INPP4B: variants seen among roughly 807,000 people sequenced by gnomAD.
INPP4B encodes inositol polyphosphate 4-phosphatase type II.
In INPP4B, 55 loss-of-function variants were observed where a neutral mutation model predicts 122.5. That is an observed-to-expected ratio of 0.45 (90% CI 0.36 to 0.56). INPP4B has a LOEUF of 0.56. Ranked by LOEUF, INPP4B falls within the 20% of genes least tolerant of loss-of-function variation. The pLI, the probability that INPP4B is intolerant of heterozygous loss-of-function variation, is 0.00. For synonymous variants in INPP4B, 403 were observed against 388.7 expected (o/e 1.04, Z -0.43); for missense variants, 1,000 against 1,097.7 (o/e 0.91, Z 1.26).
intron 25 of INPP4B, among the ~76,000 whole-genome samples, chr4:142,042,514 GTGT>G (rs1748400482): frequency 2.8e-5 from 1 of 35,456 alleles, no homozygotes. Flanking sequence ...ATTTATGTGT[GTGT>G]GTATGTATGT....
chr4:142,405,135 G>A, intron 6 of INPP4B, 71 bp downstream of exon 6: 2 of 855,434 alleles, frequency 2.3e-6, no homozygotes, highest in Admixed American at 1.9e-5. Context: ...GAGGGAGAGA[G>A]AGAGCAAGAG....
chr4:142,559,132 T>C (rs1729904188), intron 2 of INPP4B, among the ~76,000 whole-genome samples: 1 of 152,182 alleles, frequency 6.6e-6, no homozygotes, highest in Non-Finnish European at 1.5e-5. Context: ...AAAGGATTAA[T>C]GCACTCTCAG....
At chr4:142,806,741 T>TA (rs201656359) in intron 1 of INPP4B, among the ~76,000 whole-genome samples, 3,866 of 105,482 alleles carry the variant, frequency 0.037, 108 homozygotes, top group Middle Eastern at 0.067. Context: ...AAGACCCTGT[T>TA]AAAAAAAAAG....
intron 14 of INPP4B, among the ~76,000 whole-genome samples, chr4:142,193,656 G>C (rs1045577223): frequency 6.6e-6 from 1 of 152,072 alleles, no homozygotes; most frequent in Non-Finnish European, 1.5e-5. Flanking sequence ...ATTAGTACTA[G>C]TGCATTTTAA....
chr4:142,720,764 T>TATATATATATA (rs1560996422), intron 2 of INPP4B, among the ~76,000 whole-genome samples: 66 of 12,196 alleles, frequency 5.4e-3, no homozygotes, highest in Middle Eastern at 0.038. Context: ...ATATATAATC[T>TATATATATATA]CTCTCTCTCT....
At chr4:142,569,688 T>C (rs1364041629) in intron 2 of INPP4B, among the ~76,000 whole-genome samples, 1 of 152,132 alleles carries the variant, frequency 6.6e-6, no homozygotes, top group East Asian at 1.9e-4. Context: ...AGAAGATTCA[T>C]TGCAATGTAA....
chr4:142,573,112 A>G lies in INPP4B; in HGVS notation c.-190-110386T>C, dbSNP rs146795179. 3.3e-3 allele frequency among the ~76,000 whole-genome samples: 501 copies of G among 152,162 alleles called. 7 individuals are homozygous for G. The highest frequency in any genetic ancestry group is 0.018 in the East Asian group (93 of 5,148). On this transcript the variant is annotated intron_variant, in intron 2 of 25. Transcript: ENST00000262992. ...AGAGGGGTGAAGGGGAAGCAAGGAC[A>G]TCTTACCATGGTGGAGCAGGGGAGA... is the stretch of plus-strand genomic sequence containing the variant.
At chr4:142,740,696 T>A (rs1397207798) in intron 1 of INPP4B, among the ~76,000 whole-genome samples, 2 of 151,862 alleles carry the variant, frequency 1.3e-5, no homozygotes, top group Non-Finnish European at 2.9e-5. Context: ...TAAAAAAAAA[T>A]TGCACCTTAA....
intron 16 of INPP4B, among the ~76,000 whole-genome samples, chr4:142,164,341 A>G (rs192031564): frequency 3.3e-5 from 5 of 151,892 alleles, no homozygotes; most frequent in Non-Finnish European, 7.4e-5. Flanking sequence ...CGCTGAAAAA[A>G]CATTTAAGGC....
chr4:142,049,098 C>T (rs989526751), intron 25 of INPP4B, among the ~76,000 whole-genome samples: 12 of 151,692 alleles, frequency 7.9e-5, no homozygotes, highest in African/African-American at 2.9e-4. Context: ...GAAGTTTTGG[C>T]CAGCAAACCA....
chr4:142,129,894 A>G (rs1347320812), intron 18 of INPP4B, among the ~76,000 whole-genome samples: 2 of 152,176 alleles, frequency 1.3e-5, no homozygotes, highest in Non-Finnish European at 2.9e-5. Context: ...GGACAAAGAT[A>G]GTGTCTTCTA....
intron 23 of INPP4B, among the ~76,000 whole-genome samples, chr4:142,103,499 A>G (rs1785472834): frequency 6.6e-6 from 1 of 152,108 alleles, no homozygotes; most frequent in Non-Finnish European, 1.5e-5. Context: ...ATAACTATAC[A>G]ACGAGTGTCA....
At chr4:142,659,299 C>T (rs183713863) in intron 2 of INPP4B, among the ~76,000 whole-genome samples, 363 of 151,548 alleles carry the variant, frequency 2.4e-3, no homozygotes, top group African/African-American at 7.2e-3. Context: ...CCAGCTACCC[C>T]GGATGCTGAG....
intron 7 of INPP4B, among the ~76,000 whole-genome samples, chr4:142,354,669 T>A (rs1782993789): frequency 6.6e-6 from 1 of 152,006 alleles, no homozygotes; most frequent in Admixed American, 6.6e-5. Context: ...GTTAGAAAAC[T>A]GAAACTTAGC....
At chr4:142,132,613 G>T (rs1801886410) in intron 18 of INPP4B, among the ~76,000 whole-genome samples, 1 of 152,126 alleles carries the variant, frequency 6.6e-6, no homozygotes, top group East Asian at 1.9e-4. Context: ...TTCTGAGGAT[G>T]AACTGTTGTC....
At chr4:142,558,620 T>C (rs1729730035) in intron 2 of INPP4B, among the ~76,000 whole-genome samples, 1 of 150,184 alleles carries the variant, frequency 6.7e-6, no homozygotes, top group Non-Finnish European at 1.5e-5. Flanking sequence ...ACAAGATACA[T>C]TTATTTCTCC....
chr4:142,091,917 G>T (rs1175028193), intron 23 of INPP4B, among the ~76,000 whole-genome samples: 1 of 152,130 alleles, frequency 6.6e-6, no homozygotes, highest in Non-Finnish European at 1.5e-5. Context: ...TGCCTTCCCA[G>T]TCCCTAATCT....
intron 25 of INPP4B, among the ~76,000 whole-genome samples, chr4:142,034,782 C>T (rs1742808589): frequency 6.6e-6 from 1 of 152,162 alleles, no homozygotes; most frequent in Admixed American, 6.6e-5. Flanking sequence ...CATTCTTACC[C>T]TTGTTACTCA....
chr4:142,376,129 A>G (rs1434095094), intron 7 of INPP4B, among the ~76,000 whole-genome samples: 1 of 152,054 alleles, frequency 6.6e-6, no homozygotes, highest in Non-Finnish European at 1.5e-5. Context: ...TTTATATGGA[A>G]TAAGTATTGA....
Sources: allele counts gnomAD v4.1 joint callset (sites outside exome capture counted in the v4.1 genomes callset), GRCh38; gene constraint gnomAD v4.1.1; transcripts MANE v1.5; gene names NCBI Gene and HGNC (gene_info 2026-07-23, HGNC 2026-07-21).